Variants in RIMS2 observed in about 807,000 individuals in gnomAD.
The protein encoded by RIMS2 is regulating synaptic membrane exocytosis protein 2.
In RIMS2, 59 loss-of-function variants were observed where a neutral mutation model predicts 174.4. The ratio of observed to expected loss-of-function variants is 0.34; its 90% CI spans 0.27 to 0.42. The LOEUF (loss-of-function observed/expected upper bound fraction) is 0.42. RIMS2 is among the 10% of genes least tolerant of loss of function. The probability of loss-of-function intolerance (pLI) is 1.00; values close to 1 mark genes in which losing one functional copy is unlikely to be tolerated. For missense variants in RIMS2, 1,620 were observed against 1,666.3 expected (o/e 0.97, Z 0.48); for synonymous variants, 606 against 572.5 (o/e 1.06, Z -0.84).
chr8:103,691,720 C>A (rs1342025978), intron 1 of RIMS2, among the ~76,000 whole-genome samples: 1 of 152,168 alleles, frequency 6.6e-6, no homozygotes, highest in Non-Finnish European at 1.5e-5. Context: ...GTGGTCATGT[C>A]TTCCTGGGTA....
At chr8:103,772,658 T>G (rs1460550946) in intron 3 of RIMS2, among the ~76,000 whole-genome samples, 6 of 152,224 alleles carry the variant, frequency 3.9e-5, no homozygotes, top group African/African-American at 1.4e-4. Flanking sequence ...CCAAAACAGC[T>G]TTTAGGAAGA....
chr8:103,555,486 A>G (rs923811811), intron 1 of RIMS2, among the ~76,000 whole-genome samples: 9 of 152,188 alleles, frequency 5.9e-5, no homozygotes, highest in African/African-American at 2.2e-4. Context: ...AAGAGAACTA[A>G]CATATGATAT....
At chr8:104,078,568 C>A (rs538280648) in intron 19 of RIMS2, among the ~76,000 whole-genome samples, 9 of 152,230 alleles carry the variant, frequency 5.9e-5, no homozygotes, top group African/African-American at 2.2e-4. Context: ...AAAGCTCTAG[C>A]GTCAAGTACA....
intron 4 of RIMS2, among the ~76,000 whole-genome samples, chr8:103,903,203 C>T (rs1056147970): frequency 6.6e-6 from 1 of 151,722 alleles, no homozygotes; most frequent in Non-Finnish European, 1.5e-5. Context: ...TTTTCAAAAC[C>T]GATGAGAAAA....
chr8:103,682,630 A>G (rs975478103), intron 1 of RIMS2, among the ~76,000 whole-genome samples: 1 of 152,168 alleles, frequency 6.6e-6, no homozygotes, highest in Non-Finnish European at 1.5e-5. Flanking sequence ...AGGAACGTCA[A>G]TTAACTCCTG....
chr8:103,824,715 T>C (rs1353233800), intron 3 of RIMS2, among the ~76,000 whole-genome samples: 1 of 152,158 alleles, frequency 6.6e-6, no homozygotes, highest in Non-Finnish European at 1.5e-5. Context: ...TGTTTGGTTC[T>C]AAGAAACACA....
At chr8:103,879,577 T>G (rs2099157687) in intron 3 of RIMS2, among the ~76,000 whole-genome samples, 1 of 151,550 alleles carries the variant, frequency 6.6e-6, no homozygotes, top group South Asian at 2.1e-4. Context: ...AAAAATCACA[T>G]TCTCTGTCCA....
At chr8:103,518,176 TG>T (rs1829941259) in intron 1 of RIMS2, among the ~76,000 whole-genome samples, 1 of 152,168 alleles carries the variant, frequency 6.6e-6, no homozygotes, top group African/African-American at 2.4e-5. Context: ...TATCCAACCA[TG>T]GCTCTGTTAA....
intron 19 of RIMS2, chr8:104,223,523 G>A: frequency 1.4e-6 from 2 of 1,413,638 alleles, no homozygotes; most frequent in Non-Finnish European, 1.8e-6. Flanking sequence ...GCAGGGGCCA[G>A]AGCCTCAGGG....
At chr8:103,789,531 G>A (rs1358256638) in intron 3 of RIMS2, among the ~76,000 whole-genome samples, 1 of 152,158 alleles carries the variant, frequency 6.6e-6, no homozygotes, top group Non-Finnish European at 1.5e-5. Context: ...AATAATGGGA[G>A]TGATATCTCA....
At chr8:103,608,879 G>C (rs1428521108) in intron 1 of RIMS2, among the ~76,000 whole-genome samples, 1 of 152,192 alleles carries the variant, frequency 6.6e-6, no homozygotes, top group Non-Finnish European at 1.5e-5. Context: ...CCACTGACCT[G>C]CGCCCACTGT....
intron 3 of RIMS2, among the ~76,000 whole-genome samples, chr8:103,861,375 C>G (rs1034256382): frequency 6.6e-6 from 1 of 152,054 alleles, no homozygotes; most frequent in Non-Finnish European, 1.5e-5. Flanking sequence ...TTTATACAAT[C>G]AACTTTTGAT....
chr8:103,864,820 C>T (rs1159913765), intron 3 of RIMS2, among the ~76,000 whole-genome samples: 1 of 152,122 alleles, frequency 6.6e-6, no homozygotes, highest in East Asian at 1.9e-4. Flanking sequence ...GTGTGCCTGA[C>T]TCTAGAGCTT....
At chr8:103,982,386 C>T (rs1175926133) in intron 16 of RIMS2, among the ~76,000 whole-genome samples, 1 of 151,374 alleles carries the variant, frequency 6.6e-6, no homozygotes, top group Non-Finnish European at 1.5e-5. Flanking sequence ...TACTTCCAAA[C>T]TCGTTCTACA....
intron 19 of RIMS2, among the ~76,000 whole-genome samples, chr8:104,102,977 A>G (rs1042776674): frequency 1.3e-5 from 2 of 152,222 alleles, no homozygotes; most frequent in Admixed American, 1.3e-4. Context: ...TGAAAACATC[A>G]GAGAAAAAGA....
At chr8:104,060,815 A>G (rs1197564460) in intron 19 of RIMS2, among the ~76,000 whole-genome samples, 1 of 152,014 alleles carries the variant, frequency 6.6e-6, no homozygotes, top group South Asian at 2.1e-4. Context: ...TTCTGCCTTC[A>G]TTTAGTTATG....
intron 19 of RIMS2, among the ~76,000 whole-genome samples, chr8:104,025,184 C>T (rs2096222424): frequency 6.6e-6 from 1 of 152,106 alleles, no homozygotes; most frequent in Non-Finnish European, 1.5e-5. Flanking sequence ...GTTAAAATTG[C>T]TTAGAACAAA....
At chr8:103,514,093 C>T (rs564839324) in intron 1 of RIMS2, among the ~76,000 whole-genome samples, 24 of 152,178 alleles carry the variant, frequency 1.6e-4, no homozygotes, top group South Asian at 1.0e-3. Context: ...TTTTCTTCTA[C>T]CAGGGATGGA....
intron 9 of RIMS2, chr8:103,918,768 T>C (rs900827924): frequency 3.9e-4 from 109 of 280,204 alleles, no homozygotes; most frequent in Non-Finnish European, 6.8e-5. Flanking sequence ...AGTACACAAT[T>C]AGGTAAGTTT....
Sources: gnomAD v4.1 joint callset for allele counts (sites outside exome capture counted in the v4.1 genomes callset) on GRCh38, gnomAD v4.1.1 for gene constraint, MANE v1.5 for transcripts, NCBI Gene and HGNC (gene_info 2026-07-23, HGNC 2026-07-21) for gene names.